The following MAPK14 variants were observed in gnomAD, a reference collection of about 807,000 sequenced individuals.
MAPK14 encodes CSAID-binding protein.
A neutral mutation model predicts 49.6 loss-of-function variants in MAPK14; 16 were observed. The observed-to-expected ratio is 0.32, with a 90% confidence interval of 0.22 to 0.49. The LOEUF (loss-of-function observed/expected upper bound fraction) is 0.49, where lower values mean the gene tolerates loss of function less well. MAPK14 is among the 20% of genes least tolerant of loss of function. The pLI is 0.99. For synonymous variants in MAPK14, 142 were observed against 158.0 expected (o/e 0.90, Z 0.76); for missense variants, 200 against 441.2 (o/e 0.45, Z 4.90).
intron 1 of MAPK14, among the ~76,000 whole-genome samples, chr6:36,038,490 G>C (rs1008768508): frequency 6.6e-6 from 1 of 152,142 alleles, no homozygotes; most frequent in African/African-American, 2.4e-5. Context: ...GCCTTGGAGG[G>C]TTATGACCAG....
Position 36,108,612 on chromosome 6 carries a change from GTC to G in MAPK14, c.*167_*168del. The G allele has an allele frequency of 1.6e-6, 1 of 634,188 alleles. No homozygotes were observed. 39.3% of individuals were successfully genotyped at this position (634,188 alleles called of 1,614,324 possible). Reference sequence around the variant, plus strand: ...CGTGTTAGTGTGTGTGCATGTGTGTGTCTGTCTTTGTGGGAGGGTAAGACAAT... The same window carrying G: ...CGTGTTAGTGTGTGTGCATGTGTGTGTGTCTTTGTGGGAGGGTAAGACAAT... On this transcript the variant is annotated 3_prime_UTR_variant, in exon 12 of 12. Transcript: ENST00000229794.
rs200016382 is a variant in MAPK14 at position 36,109,786 on chromosome 6, T to G, written c.*1339T>G. ...AAATGCTGAAAATCAAAGTAAAAAA[T>G]TAAAGCCCATAAGGCCAGAAACTCC... On this transcript the variant is annotated 3_prime_UTR_variant, in exon 12 of 12. Coordinates refer to ENST00000229794, the MANE Select transcript of MAPK14 (RefSeq NM_139012.3). 6.6e-6 allele frequency: 1 copy of G among 152,574 alleles called. No homozygotes were observed. Among genetic ancestry groups the G allele is most frequent in the African/African-American group, 2.4e-5 (1 of 41,442 alleles). The allele number at this position is 152,574 out of a possible 1,614,324, so 9.5% of individuals were successfully genotyped here.
chr6:36,046,771 T>C (rs1260552148), intron 1 of MAPK14, among the ~76,000 whole-genome samples: 2 of 152,214 alleles, frequency 1.3e-5, no homozygotes, highest in Non-Finnish European at 2.9e-5. Context: ...GATAAAAATA[T>C]TTACTTTTAT....
chr6:36,075,785 G>T (rs1340441458), intron 6 of MAPK14, 63 bp from the exon 7 acceptor site: 45 of 1,580,428 alleles, frequency 2.8e-5, no homozygotes, highest in East Asian at 6.8e-5. Context: ...TTGTTGTTTT[G>T]TTTTTTTTTC....
At chr6:36,042,322 G>C (rs1431805166) in intron 1 of MAPK14, among the ~76,000 whole-genome samples, 1 of 148,522 alleles carries the variant, frequency 6.7e-6, no homozygotes, top group Non-Finnish European at 1.5e-5. Context: ...GGTCTTGGTG[G>C]AGTGTAAAGA....
intron 2 of MAPK14, among the ~76,000 whole-genome samples, chr6:36,053,614 T>G (rs1763482691): frequency 6.6e-6 from 1 of 152,222 alleles, no homozygotes; most frequent in African/African-American, 2.4e-5. Context: ...ACTGTGAAGT[T>G]TGTAGCATTG....
rs775793526 is a variant in MAPK14 at position 36,028,127 on chromosome 6, C to T, written c.-31C>T. ...GGTGCAGGCGGGGGCCCCACAGGGC[C>T]ACCTTCTTGCCCGGCGGCTGCCGCT... On this transcript the variant is annotated 5_prime_UTR_variant, in exon 1 of 12. Transcript: ENST00000229794. The surrounding 1 kb of genome is among the most constrained non-coding windows in gnomAD (Gnocchi z 5.1). The T allele has an allele frequency of 3.3e-6, 5 of 1,525,740 alleles. No individual in the cohort carries two copies. The Admixed American group carries it at 6.8e-5, about 21-fold the overall frequency. The allele number at this position is 1,525,740 out of a possible 1,614,324, so 94.5% of individuals were successfully genotyped here. A position where few individuals can be genotyped will look rare whatever the true frequency, so the allele number is the denominator to read the frequency against.
At position 36,028,027 on chromosome 6, in the gene MAPK14, G is replaced by T; in HGVS notation, c.-131G>T. On this transcript the variant is annotated 5_prime_UTR_variant, in exon 1 of 12. Transcript: ENST00000229794. The surrounding 1 kb of genome is among the most constrained non-coding windows in gnomAD (Gnocchi z 5.1). ...CGCGGGAGTCTGCGGGGTCGCGGCA[G>T]CCGCACCTGCGCGGGCGACCAGCGC... 2.1e-6 allele frequency: 1 copy of T among 483,388 alleles called. No individual in the cohort carries two copies. Among genetic ancestry groups the T allele is most frequent in the Non-Finnish European group, 3.6e-6 (1 of 279,078 alleles). The allele number at this position is 483,388 out of a possible 1,614,324, so 29.9% of individuals were successfully genotyped here.
At chr6:36,123,252 C>A in the MAPK14 span, among the ~76,000 whole-genome samples, 31 of 152,164 alleles carry the variant, frequency 2.0e-4, 1 homozygote, top group African/African-American at 7.2e-4. Context: ...GGTGCAAATT[C>A]GTGGCAAGAG....
chr6:36,066,743 T>TGG (rs767795906), intron 3 of MAPK14, among the ~76,000 whole-genome samples: 1 of 149,648 alleles, frequency 6.7e-6, no homozygotes, highest in African/African-American at 2.5e-5. Context: ...GAATTCTGGG[T>TGG]GTGTGTGTGT....
chr6:36,101,612 C>T (rs1167143610), intron 9 of MAPK14, among the ~76,000 whole-genome samples: 5 of 151,946 alleles, frequency 3.3e-5, no homozygotes, highest in Non-Finnish European at 7.4e-5. Flanking sequence ...TCTCCCTGCT[C>T]AAGCGATCCT....
At chr6:36,077,503 A>G (rs1764578789) in intron 8 of MAPK14, among the ~76,000 whole-genome samples, 1 of 152,124 alleles carries the variant, frequency 6.6e-6, no homozygotes, top group African/African-American at 2.4e-5. Context: ...TCCCTTACCT[A>G]AATAAACTAA....
chr6:36,122,380 T>G, the MAPK14 span, among the ~76,000 whole-genome samples: 1 of 152,234 alleles, frequency 6.6e-6, no homozygotes. Context: ...CAGCAGAGAC[T>G]GCCCCAGGCA....
chr6:36,049,441 T>A (rs999242461), intron 1 of MAPK14, among the ~76,000 whole-genome samples: 2 of 152,194 alleles, frequency 1.3e-5, no homozygotes, highest in African/African-American at 2.4e-5. Flanking sequence ...TATAAATTAG[T>A]GGTTCTCAAA....
At chr6:36,043,804 C>CTTTTTTTTTTTTTTTTTT (rs796534477) in intron 1 of MAPK14, among the ~76,000 whole-genome samples, 25 of 90,392 alleles carry the variant, frequency 2.8e-4, no homozygotes, top group East Asian at 1.0e-3. Context: ...CTTTTTCTTT[C>CTTTTTTTTTTTTTTTTTT]TTTTTTTTTT....
At chr6:36,095,268 A>G (rs543234397) in intron 8 of MAPK14, among the ~76,000 whole-genome samples, 14 of 152,290 alleles carry the variant, frequency 9.2e-5, no homozygotes, top group Admixed American at 8.5e-4. Flanking sequence ...TTTGTTAAGC[A>G]TTGTTCATTT....
chr6:36,100,187 G>C, intron 9 of MAPK14: 1 of 1,606,058 alleles, frequency 6.2e-7, no homozygotes. Context: ...AGGCATCTAA[G>C]ATATTAACCA....
At chr6:36,078,800 CCATCTGTGTAGATA>C (rs1313286238) in intron 8 of MAPK14, among the ~76,000 whole-genome samples, 1 of 152,192 alleles carries the variant, frequency 6.6e-6, no homozygotes, top group Non-Finnish European at 1.5e-5. Context: ...TTGTAAGTTG[CCATCTGTGTAGATA>C]CAGCTTTGAT....
chr6:36,028,054 A>G lies in MAPK14; in HGVS notation c.-104A>G, dbSNP rs1762376109. 2 of 626,658 alleles carry G rather than the reference A, an allele frequency of 3.2e-6. No homozygotes were observed. The highest frequency in any genetic ancestry group is 5.2e-6 in the Non-Finnish European group (2 of 385,098). The allele number at this position is 626,658 out of a possible 1,614,324, so 38.8% of individuals were successfully genotyped here. A position where few individuals can be genotyped will look rare whatever the true frequency, so the allele number is the denominator to read the frequency against. Reference sequence around the variant, plus strand: ...CGCACCTGCGCGGGCGACCAGCGCAAGGTCCCCGCCCGGCTGGGCGGGCAG... The same window carrying G: ...CGCACCTGCGCGGGCGACCAGCGCAGGGTCCCCGCCCGGCTGGGCGGGCAG... On this transcript the variant is annotated 5_prime_UTR_variant, in exon 1 of 12. Coordinates refer to ENST00000229794, the MANE Select transcript of MAPK14 (RefSeq NM_139012.3). This position sits in a 1 kb window ranked among gnomAD's most constrained non-coding sequence, Gnocchi z 5.1.
Sources: gnomAD v4.1 joint callset for allele counts (sites outside exome capture counted in the v4.1 genomes callset) on GRCh38, gnomAD v4.1.1 for gene constraint, Gnocchi (gnomAD v3.1) non-coding constraint, MANE v1.5 for transcripts, NCBI Gene and HGNC (gene_info 2026-07-23, HGNC 2026-07-21) for gene names.